ZNF521: variants seen among roughly 807,000 people sequenced by gnomAD.
ZNF521 encodes the protein zinc finger protein 521, also known as LYST-interacting protein 3.
A neutral mutation model predicts 105.5 loss-of-function variants in ZNF521; 14 were observed. That is an observed-to-expected ratio of 0.13 (90% CI 0.09 to 0.21). The LOEUF (loss-of-function observed/expected upper bound fraction) is 0.21, where lower values mean the gene tolerates loss of function less well. Ranked by LOEUF, ZNF521 falls within the 10% of genes least tolerant of loss-of-function variation. The probability of loss-of-function intolerance (pLI) is 1.00; values close to 1 mark genes in which losing one functional copy is unlikely to be tolerated. For missense variants in ZNF521, 1,233 were observed against 1,629.7 expected, an observed-to-expected ratio of 0.76 and a Z score of 4.19; for synonymous variants, 635 against 606.0, an observed-to-expected ratio of 1.05 and a Z score of -0.70.
intron 3 of ZNF521, among the ~76,000 whole-genome samples, chr18:25,301,762 G>A (rs1263407443): frequency 1.3e-5 from 2 of 152,152 alleles, no homozygotes; most frequent in Non-Finnish European, 2.9e-5. Context: ...ATGGAGTGGG[G>A]GGTAAGGAGG....
At chr18:25,312,487 G>A (rs185135503) in intron 3 of ZNF521, among the ~76,000 whole-genome samples, 3 of 152,188 alleles carry the variant, frequency 2.0e-5, no homozygotes, top group African/African-American at 4.8e-5. Flanking sequence ...CTCCAAAACC[G>A]GAAAAGGAAG....
intron 4 of ZNF521, among the ~76,000 whole-genome samples, chr18:25,209,085 A>C (rs2036132529): frequency 1.3e-5 from 2 of 152,110 alleles, no homozygotes; most frequent in Non-Finnish European, 2.9e-5. Flanking sequence ...GTGTTGAAAT[A>C]TCTCTCAATT....
At chr18:25,288,055 GCAA>G (rs1249533480) in intron 3 of ZNF521, among the ~76,000 whole-genome samples, 1 of 151,976 alleles carries the variant, frequency 6.6e-6, no homozygotes, top group Admixed American at 6.6e-5. Context: ...AATAGTTTCA[GCAA>G]CAAGAGTTGT....
At chr18:25,267,655 T>C (rs1233669984) in intron 3 of ZNF521, among the ~76,000 whole-genome samples, 2 of 152,054 alleles carry the variant, frequency 1.3e-5, no homozygotes, top group Non-Finnish European at 2.9e-5. Flanking sequence ...AGCGGACCTA[T>C]AGCAAACACC....
At chr18:25,082,408 A>G (rs1250078964) in intron 7 of ZNF521, among the ~76,000 whole-genome samples, 1 of 152,192 alleles carries the variant, frequency 6.6e-6, no homozygotes, top group Non-Finnish European at 1.5e-5. Flanking sequence ...ACTGATCAGT[A>G]TAGGACCCGG....
intron 4 of ZNF521, among the ~76,000 whole-genome samples, chr18:25,218,318 G>A (rs1234375585): frequency 6.6e-6 from 1 of 151,786 alleles, no homozygotes; most frequent in Non-Finnish European, 1.5e-5. Context: ...GAAGATCAGA[G>A]ATTGAACTTA....
intron 5 of ZNF521, among the ~76,000 whole-genome samples, chr18:25,105,736 G>A (rs1289319264): frequency 6.6e-6 from 1 of 152,122 alleles, no homozygotes; most frequent in Non-Finnish European, 1.5e-5. Context: ...TATGGATTTA[G>A]ATTCCAGATT....
intron 4 of ZNF521, chr18:25,202,256 C>G (rs181255440): frequency 5.3e-5 from 8 of 152,152 alleles, no homozygotes; most frequent in Admixed American, 5.2e-4. Context: ...TGCAATCAAC[C>G]TCTGGTTGAA....
At chr18:25,314,438 C>A (rs1356080268) in intron 3 of ZNF521, among the ~76,000 whole-genome samples, 1 of 152,156 alleles carries the variant, frequency 6.6e-6, no homozygotes, top group Non-Finnish European at 1.5e-5. Flanking sequence ...AAGTTTTCAG[C>A]TTACAAAAAT....
chr18:25,328,684 C>G (rs1050344137), intron 2 of ZNF521, among the ~76,000 whole-genome samples: 1 of 151,972 alleles, frequency 6.6e-6, no homozygotes, highest in Non-Finnish European at 1.5e-5. Context: ...TCCTGAGTAG[C>G]TGGGATTACA....
Position 25,224,447 on chromosome 18 carries a change from G to C in ZNF521, c.3471C>G (p.Ile1157Met), listed in dbSNP as rs1248954904. ...GCACGAGCTCTCGGTGGATGGTTTG[G>C]ATGTGGTTCTGGAGTTCACTTTCAG... ...FESESELQNH[I>M]QTIHRELVPD... The change falls in exon 4 of 8, where the codon ATC (isoleucine) becomes ATG (methionine). Residue 1157 changes from isoleucine to methionine, a missense_variant. Around this residue, in one of 6 missense-constraint regions of ZNF521, gnomAD observed 614 missense variants for 751.5 expected, o/e 0.82. Coordinates refer to ENST00000361524, the MANE Select transcript of ZNF521 (RefSeq NM_015461.3). 6.2e-7 allele frequency: 1 copy of C among 1,612,430 alleles called. No homozygotes were observed. Among genetic ancestry groups the C allele is most frequent in the Non-Finnish European group, 8.5e-7 (1 of 1,179,306 alleles).
At chr18:25,135,195 G>A (rs2034710054) in intron 5 of ZNF521, among the ~76,000 whole-genome samples, 1 of 151,980 alleles carries the variant, frequency 6.6e-6, no homozygotes. Context: ...AATGACAAAA[G>A]GAGGGGGAAA....
chr18:25,337,157 G>A (rs1326523921), intron 2 of ZNF521, among the ~76,000 whole-genome samples: 1 of 152,200 alleles, frequency 6.6e-6, no homozygotes, highest in Non-Finnish European at 1.5e-5. Context: ...CTGCGAGGTT[G>A]GGGACACAGA....
intron 5 of ZNF521, among the ~76,000 whole-genome samples, chr18:25,134,460 A>G (rs940054809): frequency 7.2e-5 from 11 of 152,102 alleles, no homozygotes; most frequent in Admixed American, 3.9e-4. Context: ...GAGCAGGGTA[A>G]CTTTTGCCTG....
chr18:25,134,481 A>G (rs142593436), intron 5 of ZNF521, among the ~76,000 whole-genome samples: 7 of 152,202 alleles, frequency 4.6e-5, no homozygotes, highest in Middle Eastern at 6.8e-3. Context: ...GTCTGTGAAC[A>G]TTATGATAAA....
chr18:25,135,357 G>T (rs894350704), intron 5 of ZNF521, among the ~76,000 whole-genome samples: 2 of 151,426 alleles, frequency 1.3e-5, no homozygotes, highest in Non-Finnish European at 2.9e-5. Flanking sequence ...CTACTGCCCA[G>T]AAATCCAACC....
intron 3 of ZNF521, among the ~76,000 whole-genome samples, chr18:25,283,937 A>G: frequency 7.1e-6 from 1 of 140,946 alleles, no homozygotes; most frequent in Non-Finnish European, 1.6e-5. Context: ...CCCCCCCAAA[A>G]AAATTCATGA....
At chr18:25,299,862 G>A (rs1225891384) in intron 3 of ZNF521, among the ~76,000 whole-genome samples, 1 of 152,156 alleles carries the variant, frequency 6.6e-6, no homozygotes, top group African/African-American at 2.4e-5. Context: ...TCTGATTTCG[G>A]TGGCAGATTA....
intron 3 of ZNF521, among the ~76,000 whole-genome samples, chr18:25,301,120 C>A (rs778092931): frequency 6.6e-6 from 1 of 152,130 alleles, no homozygotes; most frequent in Non-Finnish European, 1.5e-5. Context: ...CCCAGTTTTA[C>A]GGTGTTTCTG....
Sources: gnomAD v4.1 joint callset for allele counts (sites outside exome capture counted in the v4.1 genomes callset) on GRCh38, gnomAD v4.1.1 for gene constraint, gnomAD v4.1.1 regional missense constraint, MANE v1.5 for transcripts, NCBI Gene and HGNC (gene_info 2026-07-23, HGNC 2026-07-21) for gene names.